Variants in SMYD4 observed in about 807,000 individuals in gnomAD.
SMYD4 encodes the protein protein-lysine N-methyltransferase SMYD4.
A neutral mutation model predicts 72.8 loss-of-function variants in SMYD4; 68 were observed. That is an observed-to-expected ratio of 0.93 (90% CI 0.77 to 1.14). The LOEUF is 1.14. SMYD4 is among the 50% of genes most tolerant of loss of function. The pLI, the probability that SMYD4 is intolerant of heterozygous loss-of-function variation, is 0.00. For synonymous variants in SMYD4, 407 were observed against 388.6 expected (o/e 1.05, Z -0.56); for missense variants, 984 against 1,003.7 (o/e 0.98, Z 0.27).
intron 5 of SMYD4, among the ~76,000 whole-genome samples, chr17:1,789,502 G>A (rs542396914): frequency 2.6e-5 from 4 of 152,138 alleles, no homozygotes; most frequent in African/African-American, 7.2e-5. Context: ...AGAGGCTCAC[G>A]CCTGTAATCC....
At chr17:1,783,966 G>A (rs962522388) in intron 8 of SMYD4, 2 of 286,310 alleles carry the variant, frequency 7.0e-6, no homozygotes, top group Non-Finnish European at 1.3e-5. Context: ...GGGAAGAACC[G>A]CCCTTCTAGG....
intron 2 of SMYD4, among the ~76,000 whole-genome samples, chr17:1,813,381 G>T (rs117224798): frequency 2.0e-5 from 3 of 152,024 alleles, no homozygotes; most frequent in African/African-American, 7.2e-5. Context: ...GTAGTAAAAC[G>T]TTAACACTTG....
At chr17:1,804,489 T>G in intron 4 of SMYD4, 137 bp downstream of exon 4, 1 of 761,594 alleles carries the variant, frequency 1.3e-6, no homozygotes, top group South Asian at 1.6e-5. Context: ...AGGTAGATAT[T>G]AATGTGCTTC....
At chr17:1,784,618 G>GATGGCGGCA (rs144715966) in intron 7 of SMYD4, 157 bp from the exon 8 acceptor site, 1 of 977,586 alleles carries the variant, frequency 1.0e-6, no homozygotes, top group Non-Finnish European at 1.2e-6. Context: ...AATTTTGTTT[G>GATGGCGGCA]ATGGCGGCAA....
intron 5 of SMYD4, among the ~76,000 whole-genome samples, chr17:1,797,295 T>A (rs888422400): frequency 6.6e-6 from 1 of 152,120 alleles, no homozygotes; most frequent in African/African-American, 2.4e-5. Flanking sequence ...ATTGAAAAAA[T>A]TAAGAAAAGT....
chr17:1,780,635 T>C lies in SMYD4; in HGVS notation c.*651A>G, dbSNP rs78108640. ...AGAACCTCTTAATATTTTTTTTTTT[T>C]CTTTGAGATGGAGTCTGGCTCTGTC... is the stretch of plus-strand genomic sequence containing the variant. On this transcript the variant is annotated 3_prime_UTR_variant, in exon 11 of 11. Coordinates refer to ENST00000305513, the MANE Select transcript of SMYD4 (RefSeq NM_052928.3). 6.9e-6 allele frequency: 1 copy of C among 144,528 alleles called. No individual in the cohort carries two copies. Among genetic ancestry groups the C allele is most frequent in the South Asian group, 2.2e-4 (1 of 4,644 alleles). The allele number at this position is 144,528 out of a possible 1,614,324, so 9.0% of individuals were successfully genotyped here.
At chr17:1,784,571 A>C in intron 7 of SMYD4, 110 bp from the exon 8 acceptor site, 1 of 1,511,540 alleles carries the variant, frequency 6.6e-7, no homozygotes, top group Non-Finnish European at 8.8e-7. Context: ...GGGGAAAGAG[A>C]CTCCTGTAAC....
At chr17:1,783,823 T>G in intron 8 of SMYD4, 1 of 338,112 alleles carries the variant, frequency 3.0e-6, no homozygotes, top group East Asian at 6.8e-5. Context: ...TAAATAAAAA[T>G]CCCATGATGT....
intron 10 of SMYD4, chr17:1,781,699 G>C: frequency 4.1e-6 from 1 of 243,010 alleles, no homozygotes; most frequent in Non-Finnish European, 7.4e-6. Flanking sequence ...TTTGAGACAA[G>C]AGTTTCACTC....
At position 1,784,389 on chromosome 17, in the gene SMYD4, G is replaced by C; in HGVS notation, c.1957C>G (p.Arg653Gly). ...SAVSRDHLVS[R>G]LQDLQQQVRV... is the part of the protein sequence containing the mutation. Reference sequence around the variant, plus strand: ...ACCTGCTGCTGTAGGTCCTGTAACCGAGAGACCAGGTGGTCCCTGCTGACG... The same window carrying C: ...ACCTGCTGCTGTAGGTCCTGTAACCCAGAGACCAGGTGGTCCCTGCTGACG... The change falls in exon 8 of 11, where the codon CGG becomes GGG. Residue 653 changes from arginine (R) to glycine (G), a missense_variant. Coordinates refer to ENST00000305513, the MANE Select transcript of SMYD4 (RefSeq NM_052928.3). 2 of 1,614,172 alleles carry C rather than the reference G, an allele frequency of 1.2e-6. No homozygotes were observed. Among genetic ancestry groups the C allele is most frequent in the Non-Finnish European group, 1.7e-6 (2 of 1,180,000 alleles).
At chr17:1,783,497 C>T (rs750909006) in intron 8 of SMYD4, 21 bp from the exon 9 acceptor site, 23 of 1,586,178 alleles carry the variant, frequency 1.5e-5, no homozygotes, top group Middle Eastern at 3.5e-4. Flanking sequence ...AGAGGAAAGA[C>T]GTCTCACTAT....
chr17:1,781,658 C>T (rs1908371074), intron 10 of SMYD4: 2 of 352,630 alleles, frequency 5.7e-6, no homozygotes, highest in Non-Finnish European at 9.9e-6. Context: ...CCTGAGAACA[C>T]GAGGCAAATC....
chr17:1,786,459 C>A (rs1054878887), intron 7 of SMYD4, among the ~76,000 whole-genome samples: 1 of 152,136 alleles, frequency 6.6e-6, no homozygotes, highest in Non-Finnish European at 1.5e-5. Context: ...AGTGATCTGT[C>A]CACCTCAGCC....
chr17:1,788,474 G>A (rs760775684), intron 5 of SMYD4, among the ~76,000 whole-genome samples: 11 of 152,042 alleles, frequency 7.2e-5, no homozygotes, highest in Admixed American at 3.9e-4. Flanking sequence ...GGCCGGGCGC[G>A]GTGGCTCACG....
chr17:1,791,353 T>TG (rs557202838), intron 5 of SMYD4, among the ~76,000 whole-genome samples: 2 of 152,154 alleles, frequency 1.3e-5, no homozygotes, highest in South Asian at 4.2e-4. Flanking sequence ...GAGAGGTTTC[T>TG]GGGGAACTTT....
rs769487943 is a variant in SMYD4 at position 1,787,560 on chromosome 17, C to CAA, written c.1580_1581dup (p.Ala528LeufsTer12). ...CTGATAACAGGGAAGATGCCTGTGG[C>CAA]AAGGCGCACCTGCCTGCTGTCGGTA... On this transcript the variant is annotated frameshift_variant, in exon 6 of 11. Transcript: ENST00000305513. LOFTEE classifies it high-confidence loss of function. 3.1e-4 allele frequency: 488 copies of CAA among 1,595,388 alleles called. No individual in the cohort carries two copies. Among genetic ancestry groups the CAA allele is most frequent in the Non-Finnish European group, 4.0e-4 (471 of 1,171,206 alleles).
intron 10 of SMYD4, 166 bp from the exon 11 acceptor site, chr17:1,781,605 A>G: frequency 1.4e-6 from 1 of 698,050 alleles, no homozygotes; most frequent in Non-Finnish European, 2.2e-6. Context: ...GCAAAACAAA[A>G]GTGTGAGAAA....
chr17:1,811,252 G>A lies in SMYD4; in HGVS notation c.279+719C>T, dbSNP rs145439596. Among the ~76,000 whole-genome samples, 876 of 152,278 alleles carry A rather than the reference G, an allele frequency of 5.8e-3. 11 individuals carry two copies. The highest frequency in any genetic ancestry group is 0.02 in the African/African-American group (836 of 41,550). ...TTGAGTAGCAGGGCACGGAGGAAGCGAGCCACACCTCCATCGCACGCCCTG... is the reference window on the plus strand; with the variant it reads ...TTGAGTAGCAGGGCACGGAGGAAGCAAGCCACACCTCCATCGCACGCCCTG... On this transcript the variant is annotated intron_variant, in intron 3 of 10. Coordinates refer to ENST00000305513, the MANE Select transcript of SMYD4 (RefSeq NM_052928.3).
At chr17:1,802,157 G>A (rs1389372651) in intron 4 of SMYD4, among the ~76,000 whole-genome samples, 2 of 152,104 alleles carry the variant, frequency 1.3e-5, no homozygotes, top group Non-Finnish European at 2.9e-5. Flanking sequence ...AGGAGCACCT[G>A]GAACACAGTA....
Sources: gnomAD v4.1 joint callset for allele counts (sites outside exome capture counted in the v4.1 genomes callset) on GRCh38, gnomAD v4.1.1 for gene constraint, MANE v1.5 for transcripts, NCBI Gene and HGNC (gene_info 2026-07-23, HGNC 2026-07-21) for gene names.